Variants in LRBA observed in about 807,000 individuals in gnomAD.
LRBA encodes the protein LPS responsive beige-like anchor protein, also known as lipopolysaccharide-responsive and beige-like anchor protein.
LRBA carries 176 observed loss-of-function variants against 330.0 expected under a neutral mutation model. The observed-to-expected ratio is 0.53, with a 90% CI of 0.47 to 0.60. The LOEUF is 0.60. Ranked by LOEUF, LRBA falls within the 20% of genes least tolerant of loss-of-function variation. The pLI, the probability that LRBA is intolerant of heterozygous loss-of-function variation, is 0.00. For synonymous variants in LRBA, 1,230 were observed against 1,193.0 expected (o/e 1.03, Z -0.64); for missense variants, 3,259 against 3,444.8 (o/e 0.95, Z 1.35).
At chr4:150,648,785 G>T (rs532607102) in intron 37 of LRBA, among the ~76,000 whole-genome samples, 2 of 152,080 alleles carry the variant, frequency 1.3e-5, no homozygotes, top group Non-Finnish European at 2.9e-5. Flanking sequence ...GAGCCACGAG[G>T]CCTCTATTTT....
Position 150,916,725 on chromosome 4 carries a change from G to C in LRBA, c.659C>G (p.Pro220Arg), listed in dbSNP as rs771310277. The C allele has an allele frequency of 4.5e-6, 7 of 1,561,348 alleles. No homozygotes were observed. The Admixed American group carries it at 1.3e-4, about 28-fold the overall frequency. ...CTGGTATGGCCATTTGGCTATAGGA[G>C]GTAATGCAATAGCCTAAAGGAAAGA... The part of the protein sequence containing the change: ...PGKSAAAIAL[P>R]PIAKWPYQNG... The change falls in exon 6 of 57, where the codon CCT (proline) becomes CGT (arginine). Residue 220 changes from proline to arginine, a missense_variant. By Grantham distance (103) the Pro-to-Arg change is moderately radical (BLOSUM62 -2). Coordinates refer to ENST00000651943, the MANE Select transcript of LRBA (RefSeq NM_001364905.1).
intron 17 of LRBA, among the ~76,000 whole-genome samples, chr4:150,881,674 TG>T (rs1330419257): frequency 6.6e-6 from 1 of 152,026 alleles, no homozygotes; most frequent in Non-Finnish European, 1.5e-5. Flanking sequence ...AAGATAAAGG[TG>T]GGAATTATTA....
chr4:150,561,658 C>T (rs1768356725), intron 40 of LRBA, among the ~76,000 whole-genome samples: 1 of 152,050 alleles, frequency 6.6e-6, no homozygotes, highest in South Asian at 2.1e-4. Flanking sequence ...CGAATTCTCC[C>T]CTAGACGCTC....
chr4:150,602,766 G>A (rs2126531039), intron 37 of LRBA, among the ~76,000 whole-genome samples: 1 of 152,184 alleles, frequency 6.6e-6, no homozygotes, highest in African/African-American at 2.4e-5. Context: ...ATAACATAGT[G>A]ATCCAACCCT....
chr4:150,305,681 G>C (rs914926732), intron 52 of LRBA, among the ~76,000 whole-genome samples: 1 of 152,206 alleles, frequency 6.6e-6, no homozygotes, highest in African/African-American at 2.4e-5. Context: ...ATCTAAATGA[G>C]AGAGTGACAT....
At chr4:150,862,350 T>TA (rs1215386110) in intron 22 of LRBA, among the ~76,000 whole-genome samples, 1 of 152,018 alleles carries the variant, frequency 6.6e-6, no homozygotes, top group South Asian at 2.1e-4. Context: ...TATGCAGCCA[T>TA]AAAAAAGGAT....
chr4:150,906,760 A>G (rs927856514), intron 11 of LRBA, among the ~76,000 whole-genome samples: 2 of 152,182 alleles, frequency 1.3e-5, no homozygotes, highest in African/African-American at 4.8e-5. Context: ...TATAACTTAG[A>G]TAAGCAAGTA....
intron 40 of LRBA, among the ~76,000 whole-genome samples, chr4:150,569,839 A>G (rs1426967961): frequency 6.6e-6 from 1 of 152,148 alleles, no homozygotes; most frequent in Non-Finnish European, 1.5e-5. Context: ...AGAAAATTAA[A>G]CAAAGAAAAG....
rs1757432727 is a variant in LRBA at position 150,482,784 on chromosome 4, T to TCATGTG, written c.6551+4947_6551+4948insCACATG. Reference sequence around the variant, plus strand: ...AGCATTTCTCAGATGACTAATGATGTTTGGCATCTTTTCATGTGTTTATTC... The same window carrying TCATGTG: ...AGCATTTCTCAGATGACTAATGATGTCATGTGTTGGCATCTTTTCATGTGTTTATTC... On this transcript the variant is annotated intron_variant, in intron 42 of 56. Transcript: ENST00000651943. Among the ~76,000 whole-genome samples the TCATGTG allele has an allele frequency of 7.9e-5, 12 of 152,236 alleles. No homozygotes were observed. The South Asian group carries it at 2.5e-3, about 32-fold the overall frequency.
rs546196991 is a variant in LRBA, at chr4:150,579,946, C to A, written c.6330+8102G>T. 2.5e-5 allele frequency: 8 copies of A among 326,374 alleles called. No individual in the cohort carries two copies. In the East Asian group the frequency reaches 6.3e-4, roughly 26 times the overall value. The allele number at this position is 326,374 out of a possible 1,614,324, so 20.2% of individuals were successfully genotyped here. A position where few individuals can be genotyped will look rare whatever the true frequency, so the allele number is the denominator to read the frequency against. On this transcript the variant is annotated intron_variant, in intron 40 of 56. Coordinates refer to ENST00000651943, the MANE Select transcript of LRBA (RefSeq NM_001364905.1). Reference sequence around the variant, plus strand: ...GCCACCAGTCTCCGCCCAGTAACTGCCCCCGGAGAAGCAACCACGGAGCCC... The same window carrying A: ...GCCACCAGTCTCCGCCCAGTAACTGACCCCGGAGAAGCAACCACGGAGCCC...
At chr4:150,335,416 T>TAC (rs529803571) in intron 48 of LRBA, among the ~76,000 whole-genome samples, 24 of 149,420 alleles carry the variant, frequency 1.6e-4, no homozygotes, top group Middle Eastern at 3.6e-3. Context: ...TATATATATA[T>TAC]ACACACATAT....
rs186426571 is a variant in LRBA, at chr4:150,490,408, G to A, written c.6448+510C>T. On this transcript the variant is annotated intron_variant, in intron 41 of 56. Coordinates refer to ENST00000651943, the MANE Select transcript of LRBA (RefSeq NM_001364905.1). ...TTAATGGATTTCACCAAGTTCCATCGTAAAACTGCAAATTAAATTTTAGTT... is the reference window on the plus strand; with the variant it reads ...TTAATGGATTTCACCAAGTTCCATCATAAAACTGCAAATTAAATTTTAGTT... 7.9e-4 allele frequency among the ~76,000 whole-genome samples: 120 copies of A among 151,690 alleles called. 1 individual carries two copies. The highest frequency in any genetic ancestry group is 1.0e-3 in the Non-Finnish European group (68 of 67,756).
Position 150,817,269 on chromosome 4 carries a change from A to C in LRBA, c.5172-12T>G, listed in dbSNP as rs1445683607. On this transcript the variant is annotated splice_polypyrimidine_tract_variant and intron_variant, in intron 30 of 56. Transcript: ENST00000651943. Reference sequence around the variant, plus strand: ...CAACAATGACACTTCTGTAATAAAGAAAGTAAACAGACTGAAAGATACAAA... The same window carrying C: ...CAACAATGACACTTCTGTAATAAAGCAAGTAAACAGACTGAAAGATACAAA... 6.2e-7 allele frequency: 1 copy of C among 1,610,362 alleles called. No individual in the cohort carries two copies. Among genetic ancestry groups the C allele is most frequent in the East Asian group, 2.2e-5 (1 of 44,742 alleles).
At chr4:150,469,710 A>G (rs1426344604) in intron 43 of LRBA, among the ~76,000 whole-genome samples, 1 of 151,992 alleles carries the variant, frequency 6.6e-6, no homozygotes, top group Admixed American at 6.6e-5. Flanking sequence ...TCTTTGCAAC[A>G]TCCCCTCACT....
chr4:150,526,042 T>C (rs1030814877), intron 40 of LRBA, among the ~76,000 whole-genome samples: 1 of 152,156 alleles, frequency 6.6e-6, no homozygotes, highest in Non-Finnish European at 1.5e-5. Context: ...AATAAAGTGT[T>C]ATTACAAAGG....
chr4:150,828,922 G>GGGGTGTGTGTGTGT (rs1491558415), intron 29 of LRBA, among the ~76,000 whole-genome samples: 2 of 106,176 alleles, frequency 1.9e-5, no homozygotes, highest in Admixed American at 8.8e-5. Flanking sequence ...CTTTTTTGGG[G>GGGGTGTGTGTGTGT]GTGTGTGTGT....
rs144753067 is a variant in LRBA at position 150,918,541 on chromosome 4, G to A, written c.646-1803C>T. ...AGGCAGGTGGATCACTTCAGGTCAG[G>A]AGTTGAAGACCAGCCTGGCCAACAT... On this transcript the variant is annotated intron_variant, in intron 5 of 56. Transcript: ENST00000651943. 7.2e-3 allele frequency among the ~76,000 whole-genome samples: 1,092 copies of A among 152,268 alleles called. 7 individuals are homozygous for A. Among genetic ancestry groups the A allele is most frequent in the African/African-American group, 0.025 (1,026 of 41,554 alleles).
intron 35 of LRBA, among the ~76,000 whole-genome samples, chr4:150,747,491 T>G (rs1732906130): frequency 2.0e-5 from 3 of 152,334 alleles, no homozygotes; most frequent in Admixed American, 1.3e-4. Flanking sequence ...AAAGAAACTT[T>G]GACTATCCAC....
chr4:150,792,028 C>CAAAAAA (rs11389573), intron 34 of LRBA, among the ~76,000 whole-genome samples: 43 of 46,226 alleles, frequency 9.3e-4, no homozygotes, highest in African/African-American at 1.6e-3. Flanking sequence ...GGCTCCATCT[C>CAAAAAA]AAAAAAAAAA....
Sources: gnomAD v4.1 joint callset for allele counts (sites outside exome capture counted in the v4.1 genomes callset) on GRCh38, gnomAD v4.1.1 for gene constraint, MANE v1.5 for transcripts, NCBI Gene and HGNC (gene_info 2026-07-23, HGNC 2026-07-21) for gene names.